The following NF2 variants were observed in gnomAD, a reference collection of about 807,000 sequenced individuals.
The protein encoded by NF2 is merlin.
In NF2, 8 loss-of-function variants were observed where a neutral mutation model predicts 83.7. The observed-to-expected ratio is 0.10, with a 90% CI of 0.06 to 0.17. The LOEUF is 0.17. Among genes scored for constraint, NF2 ranks in the 10% least tolerant of loss-of-function variants. NF2 has a pLI of 1.00. For missense variants in NF2, 533 were observed against 744.4 expected (o/e 0.72, Z 3.31); for synonymous variants, 266 against 269.6 (o/e 0.99, Z 0.13).
intron 1 of NF2, among the ~76,000 whole-genome samples, chr22:29,628,170 G>GTT: frequency 6.6e-6 from 1 of 151,762 alleles, no homozygotes; most frequent in South Asian, 2.1e-4. Context: ...GTGTGTGTGT[G>GTT]TGTGTGTGTG....
intron 7 of NF2, among the ~76,000 whole-genome samples, chr22:29,658,974 G>A (rs1361554698): frequency 1.3e-5 from 2 of 152,146 alleles, no homozygotes; most frequent in East Asian, 1.9e-4. Flanking sequence ...TCATAGTCAT[G>A]CTTTGCTTTC....
Position 29,673,190 on chromosome 22 carries a change from C to T in NF2, c.1123-79C>T, listed in dbSNP as rs2066855362. 8 of 1,453,470 alleles carry T rather than the reference C, an allele frequency of 5.5e-6. No homozygotes were observed. The South Asian group carries it at 8.6e-5, about 16-fold the overall frequency. The allele number at this position is 1,453,470 out of a possible 1,614,324, so 90.0% of individuals were successfully genotyped here. ...CAGGAGTCCGAGACTCTGGTTTGTC[C>T]CATCTCAGTGTTCAAGGCAGATCTG... On this transcript the variant is annotated intron_variant, in intron 11 of 15. Transcript: ENST00000338641.
chr22:29,687,458 A>AC (rs1281405171), intron 15 of NF2, among the ~76,000 whole-genome samples: 1 of 152,206 alleles, frequency 6.6e-6, no homozygotes. Context: ...AGTTAAAAAA[A>AC]CACCCGGGGA....
At position 29,626,765 on chromosome 22, in the gene NF2, C is replaced by T. The variant is rs925555060; in HGVS notation, c.115-9986C>T. ...TGATACTTAGTCAGGGGTTGTGTTT[C>T]GTAATCTGCTAGTTGTACTTGATGT... On this transcript the variant is annotated intron_variant, in intron 1 of 15. Coordinates refer to ENST00000338641, the MANE Select transcript of NF2 (RefSeq NM_000268.4). Among the ~76,000 whole-genome samples the T allele has an allele frequency of 5.9e-5, 9 of 152,258 alleles. No individual in the cohort carries two copies. The East Asian group carries it at 1.3e-3, about 23-fold the overall frequency.
intron 15 of NF2, among the ~76,000 whole-genome samples, chr22:29,688,593 G>GC (rs950038208): frequency 6.6e-6 from 1 of 152,244 alleles, no homozygotes; most frequent in African/African-American, 2.4e-5. Flanking sequence ...GCAGCGGAGG[G>GC]CCCCGCCGGC....
At chr22:29,608,671 C>T (rs1168632163) in intron 1 of NF2, among the ~76,000 whole-genome samples, 1 of 147,946 alleles carries the variant, frequency 6.8e-6, no homozygotes, top group African/African-American at 2.5e-5. Context: ...TCCATCCCTG[C>T]CCTGAAAAAA....
chr22:29,622,694 C>T (rs1403458132), intron 1 of NF2, among the ~76,000 whole-genome samples: 5 of 117,588 alleles, frequency 4.3e-5, no homozygotes, highest in Admixed American at 2.4e-4. Flanking sequence ...CTCGCTCTGT[C>T]GCCCAGGCTG....
chr22:29,687,600 G>A (rs920926231), intron 15 of NF2, among the ~76,000 whole-genome samples: 1 of 152,184 alleles, frequency 6.6e-6, no homozygotes, highest in Non-Finnish European at 1.5e-5. Context: ...AATTACTTAA[G>A]TTTAATAGGT....
chr22:29,685,510 C>T (rs1195451320), intron 15 of NF2, among the ~76,000 whole-genome samples: 10 of 151,548 alleles, frequency 6.6e-5, no homozygotes, highest in African/African-American at 2.2e-4. Flanking sequence ...TGGGCTCAAG[C>T]GATCCTCCCA....
In NF2 at chr22:29,636,371, A is replaced by T. The variant is rs1017124932; in HGVS notation, c.115-380A>T. Reference sequence around the variant, plus strand: ...GTAATGATTTAAAAAAAAAATCAACAACAAAATTTCAAGGGAATGAATGTC... The same window carrying T: ...GTAATGATTTAAAAAAAAAATCAACTACAAAATTTCAAGGGAATGAATGTC... On this transcript the variant is annotated intron_variant, in intron 1 of 15. Transcript: ENST00000338641. This position sits in a 1 kb window ranked among gnomAD's most constrained non-coding sequence, Gnocchi z 4.4. 6.6e-6 allele frequency among the ~76,000 whole-genome samples: 1 copy of T among 152,228 alleles called. No individual in the cohort carries two copies. Among genetic ancestry groups the T allele is most frequent in the African/African-American group, 2.4e-5 (1 of 41,464 alleles).
chr22:29,662,513 T>C (rs2066507551), intron 8 of NF2, among the ~76,000 whole-genome samples: 1 of 152,250 alleles, frequency 6.6e-6, no homozygotes, highest in Admixed American at 6.5e-5. Context: ...AAATCCAGTC[T>C]TAGCATTCAA....
chr22:29,639,615 T>C (rs1295762340), intron 3 of NF2, among the ~76,000 whole-genome samples: 1 of 152,186 alleles, frequency 6.6e-6, no homozygotes, highest in Non-Finnish European at 1.5e-5. Context: ...CCGGGCATGG[T>C]GGCTCAGGCC....
chr22:29,639,384 T>C (rs549695526), intron 3 of NF2, among the ~76,000 whole-genome samples, 172 bp downstream of exon 3: 51 of 152,264 alleles, frequency 3.3e-4, no homozygotes, highest in Non-Finnish European at 5.9e-4. Flanking sequence ...AGAACTATAC[T>C]TGAGTGATGA....
rs1447109870 is a variant in NF2, at chr22:29,610,094, T to A, written c.114+5982T>A. Reference sequence around the variant, plus strand: ...GGCTGTTGCCTGTAATCTCAGCACTTTGGGAGGTCAAGGCAGGAGGATCCT... The same window carrying A: ...GGCTGTTGCCTGTAATCTCAGCACTATGGGAGGTCAAGGCAGGAGGATCCT... On this transcript the variant is annotated intron_variant, in intron 1 of 15. Transcript: ENST00000338641. Among the ~76,000 whole-genome samples, 3 of 151,440 alleles carry A rather than the reference T, an allele frequency of 2.0e-5. No homozygotes were observed. In the East Asian group the frequency reaches 5.8e-4, roughly 29 times the overall value.
chr22:29,671,677 G>T, intron 10 of NF2, 149 bp from the exon 11 acceptor site: 6 of 1,055,790 alleles, frequency 5.7e-6, no homozygotes, highest in Non-Finnish European at 8.4e-6. Flanking sequence ...CGGGGTGGGG[G>T]GCAATAAGAA....
chr22:29,692,464 G>A (rs2067432649), intron 15 of NF2, among the ~76,000 whole-genome samples: 1 of 152,204 alleles, frequency 6.6e-6, no homozygotes, highest in Non-Finnish European at 1.5e-5. Context: ...GGTGCTGCTG[G>A]CAGTGCCAGA....
chr22:29,608,817 C>T (rs1263934162), intron 1 of NF2: 2 of 287,804 alleles, frequency 6.9e-6, no homozygotes, highest in African/African-American at 4.4e-5. Flanking sequence ...GAGACACTAT[C>T]TGAATAGACC....
chr22:29,608,615 G>A (rs1042123532), intron 1 of NF2, among the ~76,000 whole-genome samples: 3 of 151,116 alleles, frequency 2.0e-5, no homozygotes, highest in African/African-American at 7.3e-5. Flanking sequence ...GTTGTAGTGA[G>A]CAGAGATCGT....
intron 10 of NF2, among the ~76,000 whole-genome samples, chr22:29,670,578 C>T (rs2066756536): frequency 6.6e-6 from 1 of 150,844 alleles, no homozygotes; most frequent in Admixed American, 6.6e-5. Flanking sequence ...GTCTTAGAAA[C>T]CTTGTATGAC....
Sources: allele counts gnomAD v4.1 joint callset (sites outside exome capture counted in the v4.1 genomes callset), GRCh38; gene constraint gnomAD v4.1.1; non-coding constraint Gnocchi (gnomAD v3.1); transcripts MANE v1.5; gene names NCBI Gene and HGNC (gene_info 2026-07-23, HGNC 2026-07-21).